The following MYO16 variants were observed in gnomAD, a reference collection of about 807,000 sequenced individuals.
MYO16 encodes unconventional myosin-XVI.
A neutral mutation model predicts 205.3 loss-of-function variants in MYO16; 94 were observed. The observed-to-expected ratio is 0.46, with a 90% CI of 0.39 to 0.54. The LOEUF is 0.54. Among genes scored for constraint, MYO16 ranks in the 20% least tolerant of loss-of-function variants. MYO16 has a pLI of 0.00. For missense variants in MYO16, 2,315 were observed against 2,387.5 expected (o/e 0.97, Z 0.63); for synonymous variants, 988 against 954.0 (o/e 1.04, Z -0.66).
rs1566564274 is a variant in MYO16 at position 109,207,993 on chromosome 13, C to T, written c.*1157C>T. On this transcript the variant is annotated 3_prime_UTR_variant, in exon 35 of 35. Transcript: ENST00000457511. ...TTACTGTGCCAATAAAGAGGTACAA[C>T]TGTGTTCTTCTATTGTTTTTGTTGT... 1 of 152,236 alleles carries T rather than the reference C, an allele frequency of 6.6e-6. No individual in the cohort carries two copies. The highest frequency in any genetic ancestry group is 1.9e-4 in the East Asian group (1 of 5,196). The allele number at this position is 152,236 out of a possible 1,614,324, so 9.4% of individuals were successfully genotyped here.
chr13:108,857,998 T>C (rs963241238), intron 11 of MYO16, among the ~76,000 whole-genome samples: 2 of 152,226 alleles, frequency 1.3e-5, no homozygotes, highest in Non-Finnish European at 2.9e-5. Context: ...AGGATCAATT[T>C]TGTAATAGGA....
chr13:108,841,093 T>G (rs1877217568), intron 9 of MYO16, among the ~76,000 whole-genome samples: 1 of 152,192 alleles, frequency 6.6e-6, no homozygotes, highest in African/African-American at 2.4e-5. Flanking sequence ...CAGATAATTT[T>G]CAAAGTGAAA....
In MYO16 at chr13:108,847,246, A is replaced by G. The variant is rs1158216868; in HGVS notation, c.1248+2753A>G. On this transcript the variant is annotated intron_variant, in intron 10 of 34. Transcript: ENST00000457511. ...TCTGTTTTGATGTAGACTTTTTATA[A>G]TTGTATCCTAGACATAAAAAGTAAT... 2.0e-5 allele frequency among the ~76,000 whole-genome samples: 3 copies of G among 152,214 alleles called. No homozygotes were observed. In the East Asian group the frequency reaches 5.8e-4, roughly 29 times the overall value.
chr13:108,717,725 A>G (rs1884003987), intron 3 of MYO16, among the ~76,000 whole-genome samples: 1 of 152,134 alleles, frequency 6.6e-6, no homozygotes, highest in Non-Finnish European at 1.5e-5. Flanking sequence ...AATAGTGCAT[A>G]TAGCACAATC....
Position 108,666,133 on chromosome 13 carries a change from C to A in MYO16, c.276C>A (p.His92Gln). Residue 92 changes from histidine (H) to glutamine (Q), a missense_variant, in exon 2 of 35, where the codon CAC becomes CAA. His to Gln is a conservative substitution (Grantham distance 24, BLOSUM62 0). Coordinates refer to ENST00000457511, the MANE Select transcript of MYO16 (RefSeq NM_001198950.3). Reference sequence around the variant, plus strand: ...ACATGCTACAGGACGCGATTATCCACCACAATGACAAAGAAGGTACATGAT... The same window carrying A: ...ACATGCTACAGGACGCGATTATCCAACACAATGACAAAGAAGGTACATGAT... ...LTDMLQDAII[H>Q]HNDKEVLRLL... The A allele has an allele frequency of 3.1e-6, 5 of 1,603,418 alleles. No homozygotes were observed. The highest frequency in any genetic ancestry group is 4.3e-6 in the Non-Finnish European group (5 of 1,171,084).
At chr13:109,121,581 T>C (rs1451188601) in intron 29 of MYO16, among the ~76,000 whole-genome samples, 1 of 152,234 alleles carries the variant, frequency 6.6e-6, no homozygotes, top group East Asian at 1.9e-4. Flanking sequence ...ACATTCTTTG[T>C]GAAAACCACA....
chr13:108,923,717 T>C (rs1881852202), intron 16 of MYO16, among the ~76,000 whole-genome samples: 1 of 152,228 alleles, frequency 6.6e-6, no homozygotes, highest in Non-Finnish European at 1.5e-5. Flanking sequence ...TCCTTTTCCT[T>C]GCAGATTCAG....
At chr13:108,507,839 T>C in the MYO16 span, among the ~76,000 whole-genome samples, 28 of 152,162 alleles carry the variant, frequency 1.8e-4, 1 homozygote, top group Admixed American at 6.5e-5. Context: ...ATATCACTTA[T>C]ATTATTATCT....
At chr13:108,741,536 T>C (rs1884910389) in intron 4 of MYO16, among the ~76,000 whole-genome samples, 1 of 152,078 alleles carries the variant, frequency 6.6e-6, no homozygotes, top group Non-Finnish European at 1.5e-5. Context: ...TTTTTTAACC[T>C]CAAAAAAGGT....
chr13:109,000,037 T>C (rs565729118), intron 21 of MYO16, among the ~76,000 whole-genome samples: 10 of 152,318 alleles, frequency 6.6e-5, no homozygotes, highest in Non-Finnish European at 1.0e-4. Flanking sequence ...TTTTTCATTG[T>C]AGAGTACCAG....
At chr13:108,521,306 G>T in the MYO16 span, among the ~76,000 whole-genome samples, 1 of 152,168 alleles carries the variant, frequency 6.6e-6, no homozygotes, top group Non-Finnish European at 1.5e-5. Flanking sequence ...CTTAAAGGGT[G>T]CCTGAAAGAC....
the MYO16 span, among the ~76,000 whole-genome samples, chr13:108,556,206 A>G: frequency 5.3e-5 from 8 of 151,966 alleles, no homozygotes; most frequent in African/African-American, 1.7e-4. Context: ...TAATATTTTC[A>G]GGAACTTTCA....
chr13:108,726,274 C>T (rs747619143), intron 3 of MYO16, among the ~76,000 whole-genome samples: 6 of 152,180 alleles, frequency 3.9e-5, no homozygotes, highest in Non-Finnish European at 7.4e-5. Context: ...GAAAGATACT[C>T]GTAAGGCTGG....
chr13:109,135,753 T>G (rs1157968920), intron 31 of MYO16, among the ~76,000 whole-genome samples: 1 of 152,234 alleles, frequency 6.6e-6, no homozygotes, highest in African/African-American at 2.4e-5. Context: ...CTTTGTGACT[T>G]TCTTGTGAAT....
At chr13:108,818,112 G>C (rs1357173971) in intron 7 of MYO16, among the ~76,000 whole-genome samples, 1 of 152,136 alleles carries the variant, frequency 6.6e-6, no homozygotes. Flanking sequence ...GGCCAGGCTC[G>C]GTGGCTCACG....
At chr13:108,641,879 A>C (rs1880518884) in intron 1 of MYO16, among the ~76,000 whole-genome samples, 1 of 152,210 alleles carries the variant, frequency 6.6e-6, no homozygotes. Flanking sequence ...ATGGCCTGGC[A>C]TACTTGGCCA....
intron 20 of MYO16, among the ~76,000 whole-genome samples, chr13:108,974,748 A>T (rs531073925): frequency 6.6e-6 from 1 of 152,290 alleles, no homozygotes; most frequent in South Asian, 2.1e-4. Flanking sequence ...TAAGCATGTT[A>T]AGCCTATTTT....
intron 1 of MYO16, among the ~76,000 whole-genome samples, chr13:108,665,611 C>G (rs1380252408): frequency 6.6e-6 from 1 of 152,204 alleles, no homozygotes; most frequent in Non-Finnish European, 1.5e-5. Flanking sequence ...TTGAAAGAAA[C>G]AGGAAGAGAT....
intron 16 of MYO16, among the ~76,000 whole-genome samples, chr13:108,949,116 TAC>T (rs1412698325): frequency 6.6e-6 from 1 of 152,250 alleles, no homozygotes; most frequent in African/African-American, 2.4e-5. Context: ...TCGAATTTTA[TAC>T]AATTGTAACA....
Sources: allele counts gnomAD v4.1 joint callset (sites outside exome capture counted in the v4.1 genomes callset), GRCh38; gene constraint gnomAD v4.1.1; transcripts MANE v1.5; gene names NCBI Gene and HGNC (gene_info 2026-07-23, HGNC 2026-07-21).